CTNS: variants seen among roughly 807,000 people sequenced by gnomAD.
The protein encoded by CTNS is cystinosin.
In CTNS, 27 loss-of-function variants were observed where a neutral mutation model predicts 43.7. The ratio of observed to expected loss-of-function variants is 0.62; its 90% CI spans 0.46 to 0.85. The LOEUF is 0.85. Ranked by LOEUF, CTNS falls within the 40% of genes least tolerant of loss-of-function variation. CTNS has a pLI of 0.00. For synonymous variants in CTNS, 187 were observed against 190.6 expected (o/e 0.98, Z 0.16); for missense variants, 457 against 475.4 (o/e 0.96, Z 0.36).
At position 3,648,893 on chromosome 17, in the gene CTNS, C is replaced by T. The variant is rs555311279; in HGVS notation, c.187C>T (p.Arg63Cys). The change falls in exon 5 of 12, where the codon CGT (arginine) becomes TGT (cysteine). Residue 63 changes from arginine (R) to cysteine (C), a missense_variant. Coordinates refer to ENST00000046640, the MANE Select transcript of CTNS (RefSeq NM_004937.3). ...GGTGATCACTTTTGAAATCACATTTCGTTCCAAAAATATTACTATCCTTGA... is the reference window on the plus strand; with the variant it reads ...GGTGATCACTTTTGAAATCACATTTTGTTCCAAAAATATTACTATCCTTGA... ...TLVITFEITF[R>C]SKNITILELP... 6.8e-6 allele frequency: 11 copies of T among 1,614,028 alleles called. No individual in the cohort carries two copies. Among genetic ancestry groups the T allele is most frequent in the Admixed American group, 6.7e-5 (4 of 60,024 alleles).
Position 3,656,702 on chromosome 17 carries a change from C to T in CTNS, c.588C>T (p.Asn196=), listed in dbSNP as rs757955245. The change falls in exon 9 of 12, where the codon AAC becomes AAT. Residue 196 remains asparagine, a synonymous_variant. Coordinates refer to ENST00000046640, the MANE Select transcript of CTNS (RefSeq NM_004937.3). ...AGCAGTTTCTCCTCAAATACCCCAA[C>T]GGAGTGAACCCCGTGAACAGCAACG... ...IKEQFLLKYP[N]GVNPVNSNDV... 22 of 1,613,218 alleles carry T rather than the reference C, an allele frequency of 1.4e-5. No individual in the cohort carries two copies. Among genetic ancestry groups the T allele is most frequent in the Admixed American group, 1.0e-4 (6 of 59,942 alleles).
intron 6 of CTNS, 41 bp downstream of exon 6, chr17:3,655,142 AG>A (rs1448009764): frequency 5.6e-6 from 9 of 1,613,838 alleles, no homozygotes; most frequent in Non-Finnish European, 7.6e-6. Flanking sequence ...CGTGACAAGA[AG>A]GGGGCCGTGC....
chr17:3,654,675 C>T (rs1456949643), intron 5 of CTNS, among the ~76,000 whole-genome samples: 34 of 129,718 alleles, frequency 2.6e-4, no homozygotes, highest in Middle Eastern at 0.011. Flanking sequence ...AGCGAGACTC[C>T]GTCTCAAAAA....
At chr17:3,651,287 G>A (rs372173806) in intron 5 of CTNS, among the ~76,000 whole-genome samples, 2 of 152,008 alleles carry the variant, frequency 1.3e-5, no homozygotes, top group African/African-American at 4.8e-5. Flanking sequence ...TAGAGATGGG[G>A]TTTCACCATG....
In CTNS at chr17:3,659,715, C is replaced by T. The variant is rs190614274; in HGVS notation, c.853-143C>T. The T allele has an allele frequency of 7.4e-5, 53 of 717,798 alleles. No homozygotes were observed. In the Admixed American group the frequency reaches 9.2e-4, roughly 12 times the overall value. The allele number at this position is 717,798 out of a possible 1,614,324, so 44.5% of individuals were successfully genotyped here. Reference sequence around the variant, plus strand: ...TTCCTTGGCTGAGGCCTGTCATAGCCCAAAGGTCACCGTGTCCTTGGAGCC... The same window carrying T: ...TTCCTTGGCTGAGGCCTGTCATAGCTCAAAGGTCACCGTGTCCTTGGAGCC... On this transcript the variant is annotated intron_variant, in intron 10 of 11. Transcript: ENST00000046640.
intron 5 of CTNS, among the ~76,000 whole-genome samples, chr17:3,654,447 G>A (rs2076071735): frequency 1.3e-5 from 2 of 152,058 alleles, no homozygotes; most frequent in Admixed American, 6.6e-5. Context: ...GCCGAGGTGG[G>A]CGGATCACCT....
intron 10 of CTNS, among the ~76,000 whole-genome samples, chr17:3,659,487 T>C (rs1347599644): frequency 6.6e-6 from 1 of 152,208 alleles, no homozygotes; most frequent in East Asian, 1.9e-4. Context: ...CAGGCTGAGT[T>C]TGGGGACAGC....
intron 3 of CTNS, among the ~76,000 whole-genome samples, chr17:3,642,795 G>A (rs1295443114): frequency 6.6e-6 from 1 of 152,128 alleles, no homozygotes; most frequent in African/African-American, 2.4e-5. Context: ...CTTTGCTTTG[G>A]GTAGTAATTA....
In CTNS at chr17:3,660,639, T is replaced by C; in HGVS notation, c.*270T>C. 1 of 1,613,560 alleles carries C rather than the reference T, an allele frequency of 6.2e-7. No homozygotes were observed. The highest frequency in any genetic ancestry group is 8.5e-7 in the Non-Finnish European group (1 of 1,180,042). On this transcript the variant is annotated 3_prime_UTR_variant, in exon 12 of 12. Coordinates refer to ENST00000046640, the MANE Select transcript of CTNS (RefSeq NM_004937.3). The stretch of plus-strand genomic sequence containing the variant: ...AAGGCTTCAGGCAGCGCGCACAGGC[T>C]CTGGCAGCCGTCTCAGGCAGGACTG...
chr17:3,640,999 G>T (rs1004258935), intron 3 of CTNS, among the ~76,000 whole-genome samples: 2 of 152,270 alleles, frequency 1.3e-5, no homozygotes, highest in South Asian at 4.1e-4. Flanking sequence ...AGCAGAAGAG[G>T]TAGCCACCCT....
chr17:3,646,498 A>G (rs769716521), intron 3 of CTNS, among the ~76,000 whole-genome samples: 2 of 152,136 alleles, frequency 1.3e-5, no homozygotes, highest in Non-Finnish European at 2.9e-5. Context: ...CATGTTGGCC[A>G]GGACGGTCTT....
At chr17:3,657,496 C>T (rs1335955101) in intron 9 of CTNS, 2 of 217,088 alleles carry the variant, frequency 9.2e-6, no homozygotes, top group African/African-American at 4.6e-5. Context: ...ACCTTCTAGG[C>T]TTTCTTAGCT....
chr17:3,648,219 T>C (rs1443906802), intron 4 of CTNS, among the ~76,000 whole-genome samples: 1 of 152,174 alleles, frequency 6.6e-6, no homozygotes, highest in Non-Finnish European at 1.5e-5. Flanking sequence ...CCGAGGCCCC[T>C]AGCAGGCCTG....
At chr17:3,653,272 G>C (rs2076034452) in intron 5 of CTNS, among the ~76,000 whole-genome samples, 1 of 152,098 alleles carries the variant, frequency 6.6e-6, no homozygotes, top group Non-Finnish European at 1.5e-5. Flanking sequence ...AATTAGCTGG[G>C]TATGGTTGTG....
At chr17:3,641,278 C>G (rs1223737936) in intron 3 of CTNS, among the ~76,000 whole-genome samples, 1 of 148,078 alleles carries the variant, frequency 6.8e-6, no homozygotes, top group African/African-American at 2.5e-5. Context: ...CCATAAAGAG[C>G]CATGTTTAGC....
Position 3,658,186 on chromosome 17 carries a change from G to A in CTNS, c.852+11G>A. The A allele has an allele frequency of 1.2e-6, 2 of 1,611,928 alleles. No individual in the cohort carries two copies. Among genetic ancestry groups the A allele is most frequent in the East Asian group, 2.2e-5 (1 of 44,880 alleles). On this transcript the variant is annotated intron_variant, in intron 10 of 11. Coordinates refer to ENST00000046640, the MANE Select transcript of CTNS (RefSeq NM_004937.3). ...AAGTATTTTCCACAGGTACCTCCAGGGCCCTGTTCACATGGCCGGTGGCAG... is the reference window on the plus strand; with the variant it reads ...AAGTATTTTCCACAGGTACCTCCAGAGCCCTGTTCACATGGCCGGTGGCAG...
intron 5 of CTNS, chr17:3,650,222 G>A: frequency 3.9e-6 from 6 of 1,550,580 alleles, no homozygotes; most frequent in South Asian, 3.6e-5. Flanking sequence ...CAGTAGCCAT[G>A]AGGCACATCA....
chr17:3,640,331 T>C, intron 3 of CTNS, 64 bp downstream of exon 3: 1 of 1,494,496 alleles, frequency 6.7e-7, no homozygotes, highest in Non-Finnish European at 9.3e-7. Context: ...GAAGGAGTAA[T>C]CTGATCTGTT....
intron 9 of CTNS, 132 bp downstream of exon 9, chr17:3,656,927 C>A: frequency 1.4e-6 from 2 of 1,430,600 alleles, no homozygotes; most frequent in Non-Finnish European, 9.5e-7. Context: ...CTGTGCTGGG[C>A]ATAGAAGACA....
Sources: allele counts gnomAD v4.1 joint callset (sites outside exome capture counted in the v4.1 genomes callset), GRCh38; gene constraint gnomAD v4.1.1; transcripts MANE v1.5; gene names NCBI Gene and HGNC (gene_info 2026-07-23, HGNC 2026-07-21).